Variants in AGAP9 observed in about 807,000 individuals in gnomAD.
The protein encoded by AGAP9 is arf-GAP with GTPase, ANK repeat and PH domain-containing protein 9.
In AGAP9, 23 loss-of-function variants were observed where a neutral mutation model predicts 55.6. The ratio of observed to expected loss-of-function variants is 0.41; its 90% confidence interval spans 0.30 to 0.59. AGAP9 has a LOEUF of 0.59. Among genes scored for constraint, AGAP9 ranks in the 20% least tolerant of loss-of-function variants. AGAP9 has a pLI of 0.25. For missense variants in AGAP9, 309 were observed against 808.1 expected (o/e 0.38, Z 7.49); for synonymous variants, 120 against 305.0 (o/e 0.39, Z 6.32).
intron 5 of AGAP9, 135 bp downstream of exon 5, chr10:47,510,036 C>T: frequency 1.4e-6 from 2 of 1,474,070 alleles, no homozygotes; most frequent in African/African-American, 1.5e-5. Flanking sequence ...GAAACTGATA[C>T]TTAATATTCA....
Position 47,516,816 on chromosome 10 carries a change from G to A in AGAP9, c.396+1007C>T, listed in dbSNP as rs1203935634. The stretch of plus-strand genomic sequence containing the variant: ...GGGGAAAAACAGCTATTAGAAAATA[G>A]GCAAATGAATATAGTCAGAAAATTA... On this transcript the variant is annotated intron_variant, in intron 4 of 7. Coordinates refer to ENST00000452145, the MANE Select transcript of AGAP9 (RefSeq NM_001190810.1). 3.5e-4 allele frequency among the ~76,000 whole-genome samples: 45 copies of A among 129,960 alleles called. 9 individuals are homozygous for A. The highest frequency in any genetic ancestry group is 1.6e-3 in the African/African-American group (45 of 28,354). 85.3% of individuals were successfully genotyped at this position (129,960 alleles called of 152,430 possible). A position where few individuals can be genotyped will look rare whatever the true frequency, so the allele number is the denominator to read the frequency against.
intron 4 of AGAP9, among the ~76,000 whole-genome samples, chr10:47,513,572 C>T (rs1312184494): frequency 7.1e-6 from 1 of 140,826 alleles, no homozygotes; most frequent in Non-Finnish European, 1.5e-5. Flanking sequence ...AGAACCGGCA[C>T]AGCCAAAACA....
At chr10:47,521,403 C>G (rs1467489336) in intron 2 of AGAP9, among the ~76,000 whole-genome samples, 2 of 140,034 alleles carry the variant, frequency 1.4e-5, no homozygotes, top group African/African-American at 2.7e-5. Flanking sequence ...CCTTAAATAT[C>G]TTGAAATGTG....
At chr10:47,520,636 C>G (rs1161446807) in intron 2 of AGAP9, 69 bp from the exon 3 acceptor site, 1 of 1,145,116 alleles carries the variant, frequency 8.7e-7, no homozygotes, top group Non-Finnish European at 1.2e-6. Flanking sequence ...CTCGTTTATT[C>G]GGCTGCTGCA....
rs1840396455 is a variant in AGAP9 at position 47,503,292 on chromosome 10, G to GC, written c.836dup (p.Arg280GlnfsTer6). 1.9e-6 allele frequency: 3 copies of GC among 1,584,354 alleles called. No homozygotes were observed. Among genetic ancestry groups the GC allele is most frequent in the Non-Finnish European group, 2.6e-6 (3 of 1,163,844 alleles). ...TGCCCTGTTTAATGGGGATGGCTCT[G>GC]CCGCTCCCGATGGTGTCAGCATGAT... On this transcript the variant is annotated frameshift_variant, in exon 8 of 8. Transcript: ENST00000452145. LOFTEE classifies it high-confidence loss of function.
intron 3 of AGAP9, among the ~76,000 whole-genome samples, chr10:47,519,647 C>CT (rs1182770190): frequency 8.8e-5 from 3 of 33,962 alleles, no homozygotes; most frequent in Admixed American, 3.9e-4. Flanking sequence ...AATTAAACCT[C>CT]TTTTTTGTTA....
chr10:47,506,753 C>T (rs1210158489), intron 6 of AGAP9, among the ~76,000 whole-genome samples: 1 of 145,216 alleles, frequency 6.9e-6, no homozygotes, highest in African/African-American at 2.5e-5. Flanking sequence ...GGTTCTCCTG[C>T]CTCAGCCTCC....
chr10:47,505,404 C>T (rs1278304935), intron 6 of AGAP9, among the ~76,000 whole-genome samples: 3 of 114,080 alleles, frequency 2.6e-5, no homozygotes, highest in Non-Finnish European at 3.6e-5. Context: ...TTCTTAAGAA[C>T]GTCTTTGATG....
intron 4 of AGAP9, among the ~76,000 whole-genome samples, chr10:47,510,839 A>G (rs1840599358): frequency 8.0e-6 from 1 of 124,796 alleles, no homozygotes; most frequent in Non-Finnish European, 1.6e-5. Flanking sequence ...CAAAAAAAAA[A>G]AAAAAAAAAG....
Position 47,521,336 on chromosome 10 carries a change from G to A in AGAP9, c.293-769C>T, listed in dbSNP as rs1208224034. ...GTTTATACAAGTACTTACATGCTTT[G>A]TGTATAAAGGTACAATCAATTAATT... On this transcript the variant is annotated intron_variant, in intron 2 of 7. Transcript: ENST00000452145. 1.4e-5 allele frequency among the ~76,000 whole-genome samples: 2 copies of A among 140,480 alleles called. 1 individual carries two copies. The highest frequency in any genetic ancestry group is 3.1e-5 in the Non-Finnish European group (2 of 65,444). 92.2% of individuals were successfully genotyped at this position (140,480 alleles called of 152,430 possible). A position where few individuals can be genotyped will look rare whatever the true frequency, so the allele number is the denominator to read the frequency against.
chr10:47,507,616 T>C lies in AGAP9; in HGVS notation c.498-33A>G, dbSNP rs1840510742. On this transcript the variant is annotated intron_variant, in intron 5 of 7. Coordinates refer to ENST00000452145, the MANE Select transcript of AGAP9 (RefSeq NM_001190810.1). ...AGGAAAACAAATTCATAACAATAGA[T>C]GTTATCATTTGTTAGGCCTGCAGAC... 8.5e-6 allele frequency: 13 copies of C among 1,529,606 alleles called. 3 individuals are homozygous for C. Among genetic ancestry groups the C allele is most frequent in the Non-Finnish European group, 1.1e-5 (13 of 1,141,320 alleles). 94.8% of individuals were successfully genotyped at this position (1,529,606 alleles called of 1,614,324 possible). A position where few individuals can be genotyped will look rare whatever the true frequency, so the allele number is the denominator to read the frequency against.
At chr10:47,514,313 C>T (rs1295271706) in intron 4 of AGAP9, among the ~76,000 whole-genome samples, 4 of 150,252 alleles carry the variant, frequency 2.7e-5, no homozygotes, top group African/African-American at 1.0e-4. Context: ...TCATGGCATT[C>T]CCAGCAACCT....
In AGAP9 at chr10:47,502,961, T is replaced by C; in HGVS notation, c.1168A>G (p.Asn390Asp). The stretch of plus-strand genomic sequence containing the variant: ...TTGGCATGAGGAGAGGGGGGCGGGT[T>C]GAGCTTGGGGCTGGTGGTGCTGGAG... ...GISSTTSPKL[N>D]PPPSPHANKK... Residue 390 changes from asparagine to aspartate, a missense_variant, in exon 8 of 8, where the codon AAC becomes GAC. Asn to Asp is a conservative substitution (Grantham distance 23). Coordinates refer to ENST00000452145, the MANE Select transcript of AGAP9 (RefSeq NM_001190810.1). 2.5e-6 allele frequency: 4 copies of C among 1,585,158 alleles called. 1 individual carries two copies. The South Asian group carries it at 4.4e-5, about 18-fold the overall frequency.
At position 47,502,342 on chromosome 10, in the gene AGAP9, G is replaced by A; in HGVS notation, c.1787C>T (p.Thr596Ile). 2 of 1,603,408 alleles carry A rather than the reference G, an allele frequency of 1.2e-6. No homozygotes were observed. The highest frequency in any genetic ancestry group is 2.2e-5 in the South Asian group (2 of 90,660). ...SLGQQLLRAT[T>I]DEDLQTAILL... is the part of the protein sequence containing the mutation. ...GATGGCTGTCTGCAGGTCCTCATCA[G>A]TGGTGGCCCGCAGCAGCTGCTGGCC... Residue 596 changes from threonine (T) to isoleucine (I), a missense_variant, in exon 8 of 8, where the codon ACT becomes ATT. Transcript: ENST00000452145.
intron 7 of AGAP9, among the ~76,000 whole-genome samples, chr10:47,503,760 C>CAA (rs1409462451): frequency 1.6e-5 from 1 of 63,662 alleles, no homozygotes; most frequent in African/African-American, 7.4e-5. Flanking sequence ...CCTGTCTTTA[C>CAA]AAAAAAAAAA....
intron 5 of AGAP9, among the ~76,000 whole-genome samples, chr10:47,508,958 T>G (rs2132480997): frequency 7.7e-6 from 1 of 130,516 alleles, no homozygotes; most frequent in Admixed American, 7.5e-5. Flanking sequence ...TGATAAAACA[T>G]TTTTCAATAT....
Position 47,516,826 on chromosome 10 carries a change from T to C in AGAP9, c.396+997A>G, listed in dbSNP as rs1311969527. On this transcript the variant is annotated intron_variant, in intron 4 of 7. Transcript: ENST00000452145. ...AGCTATTAGAAAATAGGCAAATGAA[T>C]ATAGTCAGAAAATTAGCTTCATGCT... Among the ~76,000 whole-genome samples, 50 of 129,054 alleles carry C rather than the reference T, an allele frequency of 3.9e-4. 7 individuals carry two copies. The South Asian group carries it at 0.011, about 29-fold the overall frequency. The allele number at this position is 129,054 out of a possible 152,430, so 84.7% of individuals were successfully genotyped here. A position where few individuals can be genotyped will look rare whatever the true frequency, so the allele number is the denominator to read the frequency against.
intron 4 of AGAP9, among the ~76,000 whole-genome samples, chr10:47,511,407 G>A (rs1165711050): frequency 2.2e-5 from 3 of 137,054 alleles, no homozygotes; most frequent in African/African-American, 8.1e-5. Flanking sequence ...AGATTCAGGG[G>A]CTCTGTGTGC....
intron 2 of AGAP9, among the ~76,000 whole-genome samples, chr10:47,522,150 G>T (rs1840860457): frequency 7.0e-6 from 1 of 142,332 alleles, no homozygotes; most frequent in Non-Finnish European, 1.5e-5. Flanking sequence ...GACAAAGGGG[G>T]AGCCACGGCA....
Sources: allele counts gnomAD v4.1 joint callset (sites outside exome capture counted in the v4.1 genomes callset), GRCh38; gene constraint gnomAD v4.1.1; transcripts MANE v1.5; gene names NCBI Gene and HGNC (gene_info 2026-07-23, HGNC 2026-07-21).